SLIT3: variants seen among roughly 807,000 people sequenced by gnomAD.
The protein encoded by SLIT3 is slit homolog 3 protein.
SLIT3 carries 68 observed loss-of-function variants against 184.0 expected under a neutral mutation model. The observed-to-expected ratio is 0.37, with a 90% CI of 0.30 to 0.45. The LOEUF is 0.45. SLIT3 is among the 20% of genes least tolerant of loss of function. The probability of loss-of-function intolerance (pLI) is 1.00; values close to 1 mark genes in which losing one functional copy is unlikely to be tolerated. For synonymous variants in SLIT3, 831 were observed against 828.6 expected (o/e 1.00, Z -0.05); for missense variants, 1,707 against 2,026.0 (o/e 0.84, Z 3.02).
chr5:168,712,132 CAA>C, intron 24 of SLIT3, 149 bp downstream of exon 24: 1 of 678,182 alleles, frequency 1.5e-6, no homozygotes, highest in Admixed American at 2.3e-5. Flanking sequence ...GGAAACAAGA[CAA>C]TATGCATAGT....
At chr5:169,097,111 C>T (rs755474402) in intron 4 of SLIT3, among the ~76,000 whole-genome samples, 15 of 152,194 alleles carry the variant, frequency 9.9e-5, no homozygotes, top group African/African-American at 1.4e-4. Flanking sequence ...CCATGAACCT[C>T]GGGTTAAGAT....
chr5:168,850,154 C>T (rs770198843), intron 5 of SLIT3, among the ~76,000 whole-genome samples: 23 of 152,168 alleles, frequency 1.5e-4, no homozygotes, highest in Non-Finnish European at 3.1e-4. Flanking sequence ...TAACTGAGTA[C>T]TGGTTACACT....
intron 4 of SLIT3, among the ~76,000 whole-genome samples, chr5:169,090,400 C>A (rs1399004451): frequency 6.6e-6 from 1 of 152,148 alleles, no homozygotes; most frequent in African/African-American, 2.4e-5. Context: ...GGAACTGCAG[C>A]CTGCAGAGAT....
chr5:168,948,434 G>A (rs1360990557), intron 4 of SLIT3, among the ~76,000 whole-genome samples: 1 of 152,200 alleles, frequency 6.6e-6, no homozygotes, highest in African/African-American at 2.4e-5. Context: ...TGAGGGGGCT[G>A]CAGATGGATG....
chr5:168,952,034 T>C (rs1010518516), intron 4 of SLIT3, among the ~76,000 whole-genome samples: 6 of 152,198 alleles, frequency 3.9e-5, no homozygotes, highest in African/African-American at 1.4e-4. Flanking sequence ...GTCTTGAATC[T>C]TCTAGAGTTT....
chr5:169,092,731 T>A (rs1014192624), intron 4 of SLIT3, among the ~76,000 whole-genome samples: 2 of 152,164 alleles, frequency 1.3e-5, no homozygotes, highest in African/African-American at 4.8e-5. Context: ...CCAGCACCAG[T>A]GGTGGCAGTG....
At position 169,265,279 on chromosome 5, in the gene SLIT3, TCTCA is replaced by T. The variant is rs374144601; in HGVS notation, c.198-13824_198-13821del. ...GGCCTGCAGACCTGCGTAGTCTGGT[TCTCA>T]CTGTGATTTTCACATATGCAAATTA... On this transcript the variant is annotated intron_variant, in intron 1 of 35. Transcript: ENST00000519560. Among the ~76,000 whole-genome samples the T allele has an allele frequency of 4.7e-4, 71 of 152,352 alleles. 1 individual carries two copies. The South Asian group carries it at 0.015, about 31-fold the overall frequency.
chr5:169,078,785 G>A (rs1403176957), intron 4 of SLIT3, among the ~76,000 whole-genome samples: 2 of 152,214 alleles, frequency 1.3e-5, no homozygotes, highest in African/African-American at 2.4e-5. Flanking sequence ...CACTGATGGT[G>A]TGGCAGATAT....
intron 4 of SLIT3, among the ~76,000 whole-genome samples, chr5:169,146,944 G>A (rs78001639): frequency 0.029 from 4,441 of 152,316 alleles, 215 homozygotes; most frequent in African/African-American, 0.1. Context: ...CATGGAGATA[G>A]TGATTGTGCC....
chr5:168,736,952 C>T lies in SLIT3; in HGVS notation c.2270+11350G>A, dbSNP rs146603982. On this transcript the variant is annotated intron_variant, in intron 20 of 35. Coordinates refer to ENST00000519560, the MANE Select transcript of SLIT3 (RefSeq NM_003062.4). ...CTCACCTGCAAAATGGGAATAATGA[C>T]ACTTGCCTTGAAGAGTTGTTAGCAG... 4.2e-3 allele frequency among the ~76,000 whole-genome samples: 645 copies of T among 152,322 alleles called. 6 individuals are homozygous for T. The highest frequency in any genetic ancestry group is 0.015 in the African/African-American group (609 of 41,566).
chr5:168,666,887 CA>C, intron 35 of SLIT3, 198 bp from the exon 36 acceptor site: 1 of 813,678 alleles, frequency 1.2e-6, no homozygotes, highest in East Asian at 2.7e-5. Context: ...GGCTCTCTGA[CA>C]GGCTTACACC....
chr5:169,046,518 T>C (rs779616194), intron 4 of SLIT3, among the ~76,000 whole-genome samples: 4 of 152,220 alleles, frequency 2.6e-5, no homozygotes, highest in Non-Finnish European at 2.9e-5. Context: ...TCCATAATCC[T>C]ATCCCTACAC....
intron 4 of SLIT3, among the ~76,000 whole-genome samples, chr5:168,933,917 AAGG>A (rs1160953515): frequency 1.3e-5 from 2 of 152,178 alleles, no homozygotes; most frequent in Non-Finnish European, 2.9e-5. Context: ...GAGGGGCAAG[AAGG>A]AGTTCATCCT....
At chr5:168,995,605 A>G (rs190153724) in intron 4 of SLIT3, 2 of 152,350 alleles carry the variant, frequency 1.3e-5, no homozygotes, top group African/African-American at 4.8e-5. Flanking sequence ...ATCAGTATCA[A>G]GAAGGTTCTT....
intron 4 of SLIT3, among the ~76,000 whole-genome samples, chr5:169,117,170 G>A (rs1474534323): frequency 6.6e-6 from 1 of 152,160 alleles, no homozygotes; most frequent in East Asian, 1.9e-4. Context: ...AGAAAGGTGT[G>A]TGTGCCTGCA....
At chr5:169,198,000 T>C (rs1051270681) in intron 3 of SLIT3, among the ~76,000 whole-genome samples, 1 of 152,168 alleles carries the variant, frequency 6.6e-6, no homozygotes, top group Non-Finnish European at 1.5e-5. Context: ...CATTCAACCA[T>C]TCATCCATCC....
chr5:168,773,011 G>T, intron 13 of SLIT3, 67 bp from the exon 14 acceptor site: 1 of 1,477,868 alleles, frequency 6.8e-7, no homozygotes, highest in South Asian at 1.3e-5. Flanking sequence ...CCACCACCCT[G>T]CCTCGCGCTG....
intron 4 of SLIT3, among the ~76,000 whole-genome samples, chr5:168,913,625 C>T (rs888017611): frequency 2.0e-5 from 3 of 151,728 alleles, no homozygotes; most frequent in Non-Finnish European, 4.4e-5. Context: ...GCCTGTAATC[C>T]CATCTACTCG....
At chr5:168,811,363 G>A (rs1021640543) in intron 8 of SLIT3, among the ~76,000 whole-genome samples, 8 of 152,186 alleles carry the variant, frequency 5.3e-5, no homozygotes, top group African/African-American at 1.7e-4. Flanking sequence ...AGCATGAGAT[G>A]AGGAAACTGA....
Sources: allele counts gnomAD v4.1 joint callset (sites outside exome capture counted in the v4.1 genomes callset), GRCh38; gene constraint gnomAD v4.1.1; transcripts MANE v1.5; gene names NCBI Gene and HGNC (gene_info 2026-07-23, HGNC 2026-07-21).